VASH1: variants seen among roughly 807,000 people sequenced by gnomAD.
VASH1 encodes vasohibin 1, also known as tubulinyl-Tyr carboxypeptidase 1.
Under a neutral mutation model 35.0 loss-of-function variants are expected in VASH1, and 16 were observed. The ratio of observed to expected loss-of-function variants is 0.46; its 90% CI spans 0.31 to 0.70. The LOEUF is 0.70. Among genes scored for constraint, VASH1 ranks in the 30% least tolerant of loss-of-function variants. VASH1 has a pLI of 0.05. For synonymous variants in VASH1, 214 were observed against 200.9 expected (o/e 1.07, Z -0.55); for missense variants, 505 against 510.7 (o/e 0.99, Z 0.11).
At chr14:76,768,862 C>T (rs933176662) in intron 1 of VASH1, among the ~76,000 whole-genome samples, 7 of 152,120 alleles carry the variant, frequency 4.6e-5, no homozygotes, top group Non-Finnish European at 1.0e-4. Context: ...GGGGGTGGGA[C>T]CTCTCTATGT....
rs1277437497 is a variant in VASH1 at position 76,761,704 on chromosome 14, G to C, written c.-1118G>C. 1.3e-5 allele frequency among the ~76,000 whole-genome samples: 2 copies of C among 151,904 alleles called. No homozygotes were observed. Among genetic ancestry groups the C allele is most frequent in the African/African-American group, 4.8e-5 (2 of 41,428 alleles). ...CCAGCTACATCCGCCGGCCGAGGCT[G>C]CGCGAGCCTCCGGGCTTGCGGTCCC... is the stretch of plus-strand genomic sequence containing the variant. On this transcript the variant is annotated 5_prime_UTR_variant, in exon 1 of 7. Coordinates refer to ENST00000167106, the MANE Select transcript of VASH1 (RefSeq NM_014909.5).
intron 4 of VASH1, among the ~76,000 whole-genome samples, chr14:76,775,476 A>C (rs1286917549): frequency 6.6e-6 from 1 of 151,974 alleles, no homozygotes. Flanking sequence ...GGACAGGGTG[A>C]GGGTAAGAGA....
chr14:76,770,492 AG>A (rs1044035615), intron 2 of VASH1, among the ~76,000 whole-genome samples: 10 of 152,230 alleles, frequency 6.6e-5, no homozygotes, highest in African/African-American at 2.2e-4. Context: ...CTGCTCCAGG[AG>A]GTAACTTCAG....
intron 6 of VASH1, 56 bp downstream of exon 6, chr14:76,778,127 C>A: frequency 1.6e-6 from 2 of 1,249,384 alleles, no homozygotes; most frequent in Non-Finnish European, 2.1e-6. Flanking sequence ...CCTTTCCTCT[C>A]ATCGTGTGGG....
At chr14:76,771,089 C>T (rs1404745219) in intron 2 of VASH1, 101 bp from the exon 3 acceptor site, 3 of 1,066,116 alleles carry the variant, frequency 2.8e-6, no homozygotes, top group Non-Finnish European at 3.9e-6. Flanking sequence ...GTGCCCCCAT[C>T]TCCCCTCCAG....
Position 76,762,830 on chromosome 14 carries a change from G to T in VASH1, c.9G>T (p.Gly3=), listed in dbSNP as rs774415044. Residue 3 remains glycine, a synonymous_variant, in exon 1 of 7, where the codon GGG becomes GGT. Transcript: ENST00000167106. The part of the protein sequence containing the change: MP[G]GKKVAGGGSS... Reference sequence around the variant, plus strand: ...CCCTCGAAGATTTAGGGATGCCAGGGGGGAAGAAGGTGGCTGGGGGTGGCA... The same window carrying T: ...CCCTCGAAGATTTAGGGATGCCAGGTGGGAAGAAGGTGGCTGGGGGTGGCA... 5.4e-6 allele frequency: 8 copies of T among 1,492,454 alleles called. No individual in the cohort carries two copies. Among genetic ancestry groups the T allele is most frequent in the Non-Finnish European group, 6.2e-6 (7 of 1,121,370 alleles). The allele number at this position is 1,492,454 out of a possible 1,614,324, so 92.5% of individuals were successfully genotyped here.
chr14:76,773,404 A>G, intron 4 of VASH1, 193 bp downstream of exon 4: 1 of 588,788 alleles, frequency 1.7e-6, no homozygotes, highest in South Asian at 2.2e-5. Context: ...CCGAGGTCCC[A>G]GTACCCCACA....
At chr14:76,773,006 T>G in intron 3 of VASH1, 131 bp from the exon 4 acceptor site, 4 of 804,714 alleles carry the variant, frequency 5.0e-6, no homozygotes, top group African/African-American at 1.7e-5. Context: ...GTGCTGGGCC[T>G]GAGCTGAGAG....
At chr14:76,775,763 G>A in intron 4 of VASH1, 129 bp from the exon 5 acceptor site, 2 of 1,355,084 alleles carry the variant, frequency 1.5e-6, no homozygotes, top group South Asian at 1.5e-5. Flanking sequence ...GGCGTATGGA[G>A]ATGAGCAGGA....
chr14:76,766,593 A>G (rs1893648142), intron 1 of VASH1, among the ~76,000 whole-genome samples: 1 of 152,128 alleles, frequency 6.6e-6, no homozygotes, highest in Non-Finnish European at 1.5e-5. Flanking sequence ...GGTGTGCCCT[A>G]CCATGCCTGG....
chr14:76,778,158 T>C, intron 6 of VASH1, 87 bp downstream of exon 6: 1 of 971,266 alleles, frequency 1.0e-6, no homozygotes, highest in Non-Finnish European at 1.4e-6. Flanking sequence ...TTTTTATCTC[T>C]CTCCCACCCT....
chr14:76,775,915 C>G lies in VASH1; in HGVS notation c.554C>G (p.Thr185Ser), dbSNP rs1893923659. The change falls in exon 5 of 7, where the codon ACC (threonine) becomes AGC (serine). Residue 185 changes from threonine (T) to serine (S), a missense_variant. Thr to Ser is a moderately conservative substitution (Grantham distance 58). Coordinates refer to ENST00000167106, the MANE Select transcript of VASH1 (RefSeq NM_014909.5). ...AGTTACCTCACCAACAGCATGCCCA[C>G]CCTGGAGCGCTTCCCCATCAGCTTC... The part of the protein sequence containing the change: ...LGIYLTNSMP[T>S]LERFPISFKT... The G allele has an allele frequency of 6.3e-7, 1 of 1,594,700 alleles. No individual in the cohort carries two copies. The highest frequency in any genetic ancestry group is 8.5e-7 in the Non-Finnish European group (1 of 1,170,238).
intron 1 of VASH1, among the ~76,000 whole-genome samples, chr14:76,766,201 A>G (rs1271462616): frequency 6.6e-6 from 1 of 152,196 alleles, no homozygotes; most frequent in African/African-American, 2.4e-5. Context: ...GGATGATGCC[A>G]GTATGTTATA....
intron 1 of VASH1, among the ~76,000 whole-genome samples, chr14:76,768,739 C>T (rs928698431): frequency 6.6e-5 from 10 of 152,164 alleles, no homozygotes; most frequent in Non-Finnish European, 1.0e-4. Flanking sequence ...CTTACCCAGC[C>T]CTACCCCCTT....
At chr14:76,775,235 G>A (rs991718308) in intron 4 of VASH1, among the ~76,000 whole-genome samples, 6 of 152,162 alleles carry the variant, frequency 3.9e-5, no homozygotes, top group Admixed American at 1.3e-4. Flanking sequence ...GGACGGTGGC[G>A]CAGGCTCAGC....
Position 76,779,271 on chromosome 14 carries a change from G to GA in VASH1, c.*257dup, listed in dbSNP as rs2140191782. The stretch of plus-strand genomic sequence containing the variant: ...ACAACTGAAGTTTAAGGTATTTGGG[G>GA]AAAACTTAGTCCAAATGGATCTGCT... On this transcript the variant is annotated 3_prime_UTR_variant, in exon 7 of 7. Coordinates refer to ENST00000167106, the MANE Select transcript of VASH1 (RefSeq NM_014909.5). 1.4e-6 allele frequency: 1 copy of GA among 701,550 alleles called. No homozygotes were observed. Among genetic ancestry groups the GA allele is most frequent in the East Asian group, 2.7e-5 (1 of 37,286 alleles). 43.5% of individuals were successfully genotyped at this position (701,550 alleles called of 1,614,324 possible). A position where few individuals can be genotyped will look rare whatever the true frequency, so the allele number is the denominator to read the frequency against.
At chr14:76,776,321 G>T in intron 5 of VASH1, 48 bp downstream of exon 5, 1 of 1,480,236 alleles carries the variant, frequency 6.8e-7, no homozygotes, top group South Asian at 1.3e-5. Flanking sequence ...CCCCTCCCCC[G>T]CCCCAGCAGA....
intron 1 of VASH1, among the ~76,000 whole-genome samples, chr14:76,765,490 G>A (rs1460298357): frequency 6.6e-6 from 1 of 152,202 alleles, no homozygotes; most frequent in East Asian, 1.9e-4. Context: ...GAGTGCAGTG[G>A]AGTCCAGGAG....
rs1263782374 is a variant in VASH1 at position 76,776,262 on chromosome 14, A to T, written c.901A>T (p.Met301Leu). 8 of 1,593,716 alleles carry T rather than the reference A, an allele frequency of 5.0e-6. No homozygotes were observed. Among genetic ancestry groups the T allele is most frequent in the South Asian group, 1.1e-5 (1 of 90,080 alleles). ...RKELERHARD[M>L]RLKIGKGTGP... ...GGAGCTGGAGCGCCACGCCCGCGAC[A>T]TGCGGCTCAAGGTCTGCCCGCCTTC... The change falls in exon 5 of 7, where the codon ATG becomes TTG. Residue 301 changes from methionine (M) to leucine (L), a missense_variant. By Grantham distance (15) the Met-to-Leu change is conservative. Coordinates refer to ENST00000167106, the MANE Select transcript of VASH1 (RefSeq NM_014909.5).
Sources: gnomAD v4.1 joint callset for allele counts (sites outside exome capture counted in the v4.1 genomes callset) on GRCh38, gnomAD v4.1.1 for gene constraint, MANE v1.5 for transcripts, NCBI Gene and HGNC (gene_info 2026-07-23, HGNC 2026-07-21) for gene names.